BCAS3: variants seen among roughly 807,000 people sequenced by gnomAD.
BCAS3 encodes BCAS3 microtubule associated cell migration factor, also known as BCAS4/BCAS3 fusion.
A neutral mutation model predicts 116.1 loss-of-function variants in BCAS3; 53 were observed. The observed-to-expected ratio is 0.46, with a 90% confidence interval of 0.37 to 0.57. The LOEUF (loss-of-function observed/expected upper bound fraction) is 0.57. Ranked by LOEUF, BCAS3 falls within the 20% of genes least tolerant of loss-of-function variation. The probability of loss-of-function intolerance (pLI) is 0.00; values close to 1 mark genes in which losing one functional copy is unlikely to be tolerated. For synonymous variants in BCAS3, 391 were observed against 408.2 expected, an observed-to-expected ratio of 0.96 and a Z score of 0.51; for missense variants, 917 against 1,165.4, an observed-to-expected ratio of 0.79 and a Z score of 3.10.
chr17:61,086,280 A>G (rs946645194), intron 22 of BCAS3, among the ~76,000 whole-genome samples: 3 of 152,076 alleles, frequency 2.0e-5, no homozygotes, highest in Admixed American at 2.0e-4. Context: ...TTTAGTAGAG[A>G]TGGGGTTTCA....
chr17:61,025,063 CCT>C (rs1568150674), intron 16 of BCAS3, among the ~76,000 whole-genome samples: 2 of 152,020 alleles, frequency 1.3e-5, no homozygotes, highest in Non-Finnish European at 2.9e-5. Flanking sequence ...ACAACGAAAA[CCT>C]CTTCATTTTA....
In BCAS3 at chr17:61,361,202, A is replaced by C. The variant is rs2058435931; in HGVS notation, c.2426-7125A>C. Among the ~76,000 whole-genome samples, 1 of 149,716 alleles carries C rather than the reference A, an allele frequency of 6.7e-6. No individual in the cohort carries two copies. Among genetic ancestry groups the C allele is most frequent in the Non-Finnish European group, 1.5e-5 (1 of 68,010 alleles). ...GAGAGAGAAAAAGAATTAAAAAAAA[A>C]AAAAGAAAAGACCCAGACGGAGTAG... On this transcript the variant is annotated intron_variant, in intron 22 of 23. Coordinates refer to ENST00000407086, the MANE Select transcript of BCAS3 (RefSeq NM_017679.5). This position sits in a 1 kb window ranked among gnomAD's most constrained non-coding sequence, Gnocchi z 6.5.
intron 2 of BCAS3, among the ~76,000 whole-genome samples, chr17:60,682,940 C>T (rs2033406577): frequency 6.6e-6 from 1 of 152,004 alleles, no homozygotes; most frequent in Non-Finnish European, 1.5e-5. Context: ...TTTCCCCTTC[C>T]CTTTTTTTGT....
intron 16 of BCAS3, among the ~76,000 whole-genome samples, chr17:61,025,842 C>T (rs921747279): frequency 6.6e-6 from 1 of 152,058 alleles, no homozygotes; most frequent in African/African-American, 2.4e-5. Context: ...TACTCACTAT[C>T]GTGAAAACAT....
intron 5 of BCAS3, among the ~76,000 whole-genome samples, chr17:60,745,145 T>C (rs942438767): frequency 6.6e-6 from 1 of 152,112 alleles, no homozygotes; most frequent in African/African-American, 2.4e-5. Flanking sequence ...CAAATAATAG[T>C]ACAGAGTGGT....
Position 61,023,091 on chromosome 17 carries a change from A to C in BCAS3, c.1637+7190A>C, listed in dbSNP as rs550680567. Among the ~76,000 whole-genome samples, 42 of 152,354 alleles carry C rather than the reference A, an allele frequency of 2.8e-4. No individual in the cohort carries two copies. In the South Asian group the frequency reaches 6.2e-3, roughly 23 times the overall value. ...GGTCTCTTTGGTAGGGAGCAAGTAA[A>C]ATTAATGAAAAATTCAAAGTATAAC... On this transcript the variant is annotated intron_variant, in intron 16 of 23. Transcript: ENST00000407086. This position sits in a 1 kb window ranked among gnomAD's most constrained non-coding sequence, Gnocchi z 4.8.
chr17:60,787,253 G>A (rs189560508), intron 6 of BCAS3, among the ~76,000 whole-genome samples: 1 of 152,258 alleles, frequency 6.6e-6, no homozygotes, highest in Non-Finnish European at 1.5e-5. Flanking sequence ...TGTAAAGATA[G>A]CATTTCTGTC....
Position 61,098,416 on chromosome 17 carries a change from C to T in BCAS3, c.2425+13852C>T, listed in dbSNP as rs1393256162. The stretch of plus-strand genomic sequence containing the variant: ...TTTGGGTGCTGAAGTTCTAATCTTA[C>T]CTCTGAAGTGATCCTGATATTTTGC... On this transcript the variant is annotated intron_variant, in intron 22 of 23. Coordinates refer to ENST00000407086, the MANE Select transcript of BCAS3 (RefSeq NM_017679.5). This position sits in a 1 kb window ranked among gnomAD's most constrained non-coding sequence, Gnocchi z 4.2. Among the ~76,000 whole-genome samples, 2 of 152,116 alleles carry T rather than the reference C, an allele frequency of 1.3e-5. No individual in the cohort carries two copies. The highest frequency in any genetic ancestry group is 2.4e-5 in the African/African-American group (1 of 41,416).
chr17:61,135,419 T>A (rs1330749272), intron 22 of BCAS3, among the ~76,000 whole-genome samples: 1 of 152,222 alleles, frequency 6.6e-6, no homozygotes, highest in African/African-American at 2.4e-5. Flanking sequence ...AGCATACCAT[T>A]TCATTGTAAG....
chr17:61,210,098 C>T (rs2081368866), intron 22 of BCAS3, among the ~76,000 whole-genome samples: 1 of 152,184 alleles, frequency 6.6e-6, no homozygotes, highest in African/African-American at 2.4e-5. Flanking sequence ...CGAAGTTCAC[C>T]ACATTTGGGA....
intron 19 of BCAS3, among the ~76,000 whole-genome samples, chr17:61,047,241 T>A (rs2068438006): frequency 6.6e-6 from 1 of 151,988 alleles, no homozygotes; most frequent in Non-Finnish European, 1.5e-5. Context: ...ATTGAGGAAT[T>A]TTGGTGTATT....
intron 9 of BCAS3, among the ~76,000 whole-genome samples, chr17:60,880,461 A>G (rs1026238216): frequency 6.6e-6 from 1 of 151,810 alleles, no homozygotes; most frequent in African/African-American, 2.4e-5. Context: ...GCTAATTTTT[A>G]TATTTTTTAG....
chr17:60,799,309 T>G (rs1418593244), intron 6 of BCAS3, among the ~76,000 whole-genome samples: 1 of 152,138 alleles, frequency 6.6e-6, no homozygotes, highest in African/African-American at 2.4e-5. Flanking sequence ...GTCCAGTGTA[T>G]CCTTGTGTGT....
At chr17:60,695,238 G>A (rs140021057) in intron 4 of BCAS3, among the ~76,000 whole-genome samples, 3,387 of 150,272 alleles carry the variant, frequency 0.023, 125 homozygotes, top group African/African-American at 0.079. Flanking sequence ...CTCCTGCCTC[G>A]GCCTCCTTAG....
chr17:61,287,062 C>A (rs111834765), intron 22 of BCAS3, among the ~76,000 whole-genome samples: 6 of 151,830 alleles, frequency 4.0e-5, no homozygotes, highest in African/African-American at 1.5e-4. Context: ...TCCTGGCTAA[C>A]ACGGTGAAAC....
chr17:61,018,784 A>G (rs542238134), intron 16 of BCAS3, among the ~76,000 whole-genome samples: 1 of 152,336 alleles, frequency 6.6e-6, no homozygotes, highest in South Asian at 2.1e-4. Context: ...CTAAAGGCAC[A>G]GACATTCTCT....
Position 61,021,308 on chromosome 17 carries a change from C to T in BCAS3, c.1637+5407C>T, listed in dbSNP as rs1201012180. Among the ~76,000 whole-genome samples the T allele has an allele frequency of 6.6e-6, 1 of 152,182 alleles. No homozygotes were observed. Among genetic ancestry groups the T allele is most frequent in the Non-Finnish European group, 1.5e-5 (1 of 68,038 alleles). On this transcript the variant is annotated intron_variant, in intron 16 of 23. Coordinates refer to ENST00000407086, the MANE Select transcript of BCAS3 (RefSeq NM_017679.5). This position sits in a 1 kb window ranked among gnomAD's most constrained non-coding sequence, Gnocchi z 4.6. ...CTCCTGGTCTCAAGTGATCCAACTG[C>T]CTTAGCCTCCCAAAGTGCTGGGATT...
Position 61,316,538 on chromosome 17 carries a change from G to A in BCAS3, c.2426-51789G>A, listed in dbSNP as rs1602631347. ...CACATGCCGCCGCGTCCCTTCCACAGCTCCCCTGCAGTAGCACCCCTCTGC... is the reference window on the plus strand; with the variant it reads ...CACATGCCGCCGCGTCCCTTCCACAACTCCCCTGCAGTAGCACCCCTCTGC... On this transcript the variant is annotated intron_variant, in intron 22 of 23. Transcript: ENST00000407086. The surrounding 1 kb of genome is among the most constrained non-coding windows in gnomAD (Gnocchi z 5.8). Among the ~76,000 whole-genome samples, 1 of 151,986 alleles carries A rather than the reference G, an allele frequency of 6.6e-6. No individual in the cohort carries two copies. Among genetic ancestry groups the A allele is most frequent in the African/African-American group, 2.4e-5 (1 of 41,398 alleles).
chr17:61,107,137 A>G (rs954910252), intron 22 of BCAS3, among the ~76,000 whole-genome samples: 30 of 120,484 alleles, frequency 2.5e-4, no homozygotes, highest in Admixed American at 1.7e-3. Flanking sequence ...CCCAGGCTGG[A>G]GTGAAGTGGT....
Sources: allele counts gnomAD v4.1 joint callset (sites outside exome capture counted in the v4.1 genomes callset), GRCh38; gene constraint gnomAD v4.1.1; non-coding constraint Gnocchi (gnomAD v3.1); transcripts MANE v1.5; gene names NCBI Gene and HGNC (gene_info 2026-07-23, HGNC 2026-07-21).